The following CYYR1 variants were observed in gnomAD, a reference collection of about 807,000 sequenced individuals.
The protein encoded by CYYR1 is cysteine and tyrosine rich 1.
Under a neutral mutation model 15.2 loss-of-function variants are expected in CYYR1, and 14 were observed. The observed-to-expected ratio is 0.92, with a 90% CI of 0.61 to 1.44. The LOEUF (loss-of-function observed/expected upper bound fraction) is 1.44. CYYR1 is among the 40% of genes most tolerant of loss of function. CYYR1 has a pLI of 0.00. For synonymous variants in CYYR1, 80 were observed against 77.4 expected, an observed-to-expected ratio of 1.03 and a Z score of -0.18; for missense variants, 228 against 209.5, an observed-to-expected ratio of 1.09 and a Z score of -0.54.
At chr21:26,508,040 G>C (rs951344791) in intron 2 of CYYR1, among the ~76,000 whole-genome samples, 6 of 152,186 alleles carry the variant, frequency 3.9e-5, no homozygotes, top group Admixed American at 3.9e-4. Context: ...CTGAAGGTGA[G>C]ATCAAGGAAG....
At chr21:26,548,351 GATT>G (rs1351741671) in intron 2 of CYYR1, among the ~76,000 whole-genome samples, 2 of 152,128 alleles carry the variant, frequency 1.3e-5, no homozygotes, top group East Asian at 3.9e-4. Flanking sequence ...TTTGTCTAAT[GATT>G]ATTATTTTTA....
At chr21:26,531,789 G>A (rs1212475099) in intron 2 of CYYR1, among the ~76,000 whole-genome samples, 2 of 152,090 alleles carry the variant, frequency 1.3e-5, no homozygotes, top group African/African-American at 4.8e-5. Flanking sequence ...TCCTTAGATC[G>A]ATAAAGAGTA....
At position 26,468,308 on chromosome 21, in the gene CYYR1, T is replaced by C. The variant is rs765427597; in HGVS notation, c.*193A>G. The C allele has an allele frequency of 6.5e-6, 4 of 612,466 alleles. No homozygotes were observed. The highest frequency in any genetic ancestry group is 1.8e-5 in the African/African-American group (1 of 54,624). The allele number at this position is 612,466 out of a possible 1,614,324, so 37.9% of individuals were successfully genotyped here. The stretch of plus-strand genomic sequence containing the variant: ...AAATGTGGTTCCATAGAACCAAACA[T>C]TAATACTCCAGATGGGGTCAGCTTT... On this transcript the variant is annotated 3_prime_UTR_variant, in exon 4 of 4. Coordinates refer to ENST00000652641, the MANE Select transcript of CYYR1 (RefSeq NM_001320768.2).
At chr21:26,566,938 G>A (rs1980668414) in intron 1 of CYYR1, among the ~76,000 whole-genome samples, 2 of 150,788 alleles carry the variant, frequency 1.3e-5, no homozygotes, top group South Asian at 4.2e-4. Flanking sequence ...GAACCCAGGA[G>A]ATGGAGGTTG....
chr21:26,536,541 A>T (rs888164000), intron 2 of CYYR1, among the ~76,000 whole-genome samples: 3 of 152,152 alleles, frequency 2.0e-5, no homozygotes, highest in Admixed American at 6.5e-5. Context: ...CATTCTTCAG[A>T]GGGTTTCGTT....
At chr21:26,552,770 T>A (rs189724191) in intron 2 of CYYR1, among the ~76,000 whole-genome samples, 1 of 152,228 alleles carries the variant, frequency 6.6e-6, no homozygotes, top group East Asian at 1.9e-4. Context: ...ATCTTATTGA[T>A]CCATTAACCT....
chr21:26,530,105 T>C (rs982682676), intron 2 of CYYR1, among the ~76,000 whole-genome samples: 3 of 152,192 alleles, frequency 2.0e-5, no homozygotes, highest in African/African-American at 7.2e-5. Flanking sequence ...CTGTATGACT[T>C]TGGATATTAC....
chr21:26,545,491 G>A (rs995117298), intron 2 of CYYR1, among the ~76,000 whole-genome samples: 1 of 150,500 alleles, frequency 6.6e-6, no homozygotes, highest in Non-Finnish European at 1.5e-5. Flanking sequence ...AAGGTGGCAA[G>A]GTTAATGAGT....
In CYYR1 at chr21:26,468,372, T is replaced by C; in HGVS notation, c.*129A>G. 1.3e-6 allele frequency: 1 copy of C among 744,648 alleles called. No homozygotes were observed. The highest frequency in any genetic ancestry group is 1.9e-5 in the Admixed American group (1 of 52,922). 46.1% of individuals were successfully genotyped at this position (744,648 alleles called of 1,614,324 possible). On this transcript the variant is annotated 3_prime_UTR_variant, in exon 4 of 4. Coordinates refer to ENST00000652641, the MANE Select transcript of CYYR1 (RefSeq NM_001320768.2). ...ATCCTATATCTCCTAGCAGGGATATTCCACCTGACACATTATCTGACCCCA... is the reference window on the plus strand; with the variant it reads ...ATCCTATATCTCCTAGCAGGGATATCCCACCTGACACATTATCTGACCCCA...
chr21:26,472,951 C>T (rs1272573539), intron 3 of CYYR1, among the ~76,000 whole-genome samples: 1 of 152,016 alleles, frequency 6.6e-6, no homozygotes, highest in Non-Finnish European at 1.5e-5. Flanking sequence ...TATATTTTTG[C>T]ATCAAAGTTT....
chr21:26,468,032 A>C lies in CYYR1; in HGVS notation c.*469T>G. On this transcript the variant is annotated 3_prime_UTR_variant, in exon 4 of 4. Transcript: ENST00000652641. ...AGTGCTAGGCACATAGTAAACTCTT[A>C]GGCACTCAAAATACATTTATTGATG... 4.4e-6 allele frequency: 1 copy of C among 228,396 alleles called. No individual in the cohort carries two copies. The highest frequency in any genetic ancestry group is 8.7e-6 in the Non-Finnish European group (1 of 115,002). 14.1% of individuals were successfully genotyped at this position (228,396 alleles called of 1,614,324 possible). A position where few individuals can be genotyped will look rare whatever the true frequency, so the allele number is the denominator to read the frequency against.
intron 2 of CYYR1, among the ~76,000 whole-genome samples, chr21:26,528,581 TCCTGTACAG>T (rs1410890193): frequency 6.6e-6 from 1 of 152,172 alleles, no homozygotes; most frequent in African/African-American, 2.4e-5. Flanking sequence ...GTGCTATGCT[TCCTGTACAG>T]CCTGTAGAAC....
intron 2 of CYYR1, among the ~76,000 whole-genome samples, chr21:26,523,085 C>T (rs1440111391): frequency 1.3e-5 from 2 of 152,046 alleles, no homozygotes; most frequent in East Asian, 1.9e-4. Context: ...CTGTGGTGAA[C>T]GAGATGAGGA....
intron 2 of CYYR1, among the ~76,000 whole-genome samples, chr21:26,493,585 C>T (rs1786738312): frequency 6.6e-6 from 1 of 152,090 alleles, no homozygotes; most frequent in African/African-American, 2.4e-5. Context: ...TTAAAAGTAA[C>T]TAAGTCTGGA....
At chr21:26,490,918 A>G (rs934116786) in intron 2 of CYYR1, among the ~76,000 whole-genome samples, 3 of 152,208 alleles carry the variant, frequency 2.0e-5, no homozygotes, top group African/African-American at 7.2e-5. Context: ...GGAAGTAGAG[A>G]AAGAGAGGAG....
chr21:26,517,681 G>A (rs543874454), intron 2 of CYYR1, among the ~76,000 whole-genome samples: 104 of 152,172 alleles, frequency 6.8e-4, no homozygotes, highest in African/African-American at 2.0e-3. Context: ...TCAGCCTCCC[G>A]AGTAGCTGGG....
At chr21:26,513,416 A>C (rs2065678112) in intron 2 of CYYR1, among the ~76,000 whole-genome samples, 2 of 152,186 alleles carry the variant, frequency 1.3e-5, no homozygotes, top group Admixed American at 1.3e-4. Flanking sequence ...ATACACACAC[A>C]GTCACTTCCT....
At chr21:26,498,429 C>T (rs1362533672) in intron 2 of CYYR1, among the ~76,000 whole-genome samples, 2 of 152,002 alleles carry the variant, frequency 1.3e-5, no homozygotes, top group East Asian at 1.9e-4. Context: ...AGGAAACAAC[C>T]AGTAGGAAGG....
At chr21:26,486,187 T>C (rs2065245466) in intron 2 of CYYR1, among the ~76,000 whole-genome samples, 1 of 152,146 alleles carries the variant, frequency 6.6e-6, no homozygotes. Context: ...ACAAAATATG[T>C]AGTTTGCGAA....
Sources: allele counts gnomAD v4.1 joint callset (sites outside exome capture counted in the v4.1 genomes callset), GRCh38; gene constraint gnomAD v4.1.1; transcripts MANE v1.5; gene names NCBI Gene and HGNC (gene_info 2026-07-23, HGNC 2026-07-21).